Variants in RIC3 observed in about 807,000 individuals in gnomAD.
RIC3 encodes the protein RIC3 acetylcholine receptor chaperone, also known as protein RIC-3.
A neutral mutation model predicts 27.3 loss-of-function variants in RIC3; 28 were observed. The observed-to-expected ratio is 1.02, with a 90% confidence interval of 0.76 to 1.41. The LOEUF (loss-of-function observed/expected upper bound fraction) is 1.41. Among genes scored for constraint, RIC3 ranks in the 40% most tolerant of loss-of-function variants. The probability of loss-of-function intolerance (pLI) is 0.00; values close to 1 mark genes in which losing one functional copy is unlikely to be tolerated. For missense variants in RIC3, 501 were observed against 444.7 expected (o/e 1.13, Z -1.14); for synonymous variants, 184 against 160.4 (o/e 1.15, Z -1.11).
At chr11:8,136,727 GCAT>G (rs1210405267) in intron 4 of RIC3, among the ~76,000 whole-genome samples, 5 of 152,162 alleles carry the variant, frequency 3.3e-5, no homozygotes, top group Non-Finnish European at 7.4e-5. Context: ...CAAGTAGAAA[GCAT>G]CATGTTCAAT....
chr11:8,142,396 C>T (rs1331182768), intron 1 of RIC3, among the ~76,000 whole-genome samples: 4 of 151,694 alleles, frequency 2.6e-5, no homozygotes, highest in African/African-American at 7.3e-5. Flanking sequence ...ATACTACAAA[C>T]ACCTCTACGC....
chr11:8,131,224 C>A (rs1401484859), intron 4 of RIC3, among the ~76,000 whole-genome samples: 2 of 152,162 alleles, frequency 1.3e-5, no homozygotes, highest in Admixed American at 1.3e-4. Flanking sequence ...TAATCCCTGA[C>A]CTCACGGAGC....
At chr11:8,165,734 T>A (rs1951622792) in intron 1 of RIC3, among the ~76,000 whole-genome samples, 1 of 149,282 alleles carries the variant, frequency 6.7e-6, no homozygotes. Context: ...AAGACTTCCC[T>A]CCTCTATGTT....
At chr11:8,120,979 GA>G (rs928896329) in intron 5 of RIC3, among the ~76,000 whole-genome samples, 1 of 151,996 alleles carries the variant, frequency 6.6e-6, no homozygotes, top group African/African-American at 2.4e-5. Flanking sequence ...TACTATATGG[GA>G]AAAATATAAA....
chr11:8,125,819 A>T (rs966054137), intron 5 of RIC3, among the ~76,000 whole-genome samples: 2 of 152,178 alleles, frequency 1.3e-5, no homozygotes, highest in African/African-American at 4.8e-5. Flanking sequence ...CAGGCAGATC[A>T]CTTGAGGTCA....
At chr11:8,130,445 G>C (rs192582397) in intron 4 of RIC3, among the ~76,000 whole-genome samples, 2 of 152,290 alleles carry the variant, frequency 1.3e-5, no homozygotes, top group African/African-American at 2.4e-5. Flanking sequence ...ATGTTCAGCT[G>C]TTCCTTTGAT....
intron 5 of RIC3, among the ~76,000 whole-genome samples, chr11:8,117,159 C>G (rs1490506342): frequency 6.6e-6 from 1 of 152,210 alleles, no homozygotes; most frequent in Admixed American, 6.5e-5. Context: ...GTCTCCACCT[C>G]TTGGACTCAT....
intron 1 of RIC3, among the ~76,000 whole-genome samples, chr11:8,144,840 C>T (rs1949497118): frequency 1.3e-5 from 2 of 151,958 alleles, no homozygotes; most frequent in South Asian, 2.1e-4. Flanking sequence ...CCATGGAATA[C>T]TATGCAGCCA....
At chr11:8,155,098 G>A (rs976178460) in intron 1 of RIC3, among the ~76,000 whole-genome samples, 1 of 151,688 alleles carries the variant, frequency 6.6e-6, no homozygotes, top group African/African-American at 2.4e-5. Flanking sequence ...GCATGCACCT[G>A]TAGTCCCAGC....
In RIC3 at chr11:8,107,746, G is replaced by C. The variant is rs1041861261; in HGVS notation, c.*2952C>G. The stretch of plus-strand genomic sequence containing the variant: ...GACCAGGAAAGGGGATCTCCTGGCT[G>C]CACCACCCACCTGATTTACCAAGAG... On this transcript the variant is annotated 3_prime_UTR_variant, in exon 6 of 6. Transcript: ENST00000309737. 1.3e-5 allele frequency: 2 copies of C among 152,218 alleles called. No homozygotes were observed. Among genetic ancestry groups the C allele is most frequent in the Non-Finnish European group, 2.9e-5 (2 of 68,054 alleles). 9.4% of individuals were successfully genotyped at this position (152,218 alleles called of 1,614,324 possible).
chr11:8,127,893 A>G (rs778907881), intron 4 of RIC3, among the ~76,000 whole-genome samples: 2 of 152,236 alleles, frequency 1.3e-5, no homozygotes, highest in Admixed American at 1.3e-4. Flanking sequence ...GAAAATGAAA[A>G]GAGTATTTCT....
At chr11:8,125,247 C>G (rs796202583) in intron 5 of RIC3, among the ~76,000 whole-genome samples, 12 of 144,200 alleles carry the variant, frequency 8.3e-5, no homozygotes, top group African/African-American at 3.1e-4. Flanking sequence ...GAGCAAGACT[C>G]TGTCTCAAAA....
At chr11:8,149,049 C>T (rs983319860) in intron 1 of RIC3, among the ~76,000 whole-genome samples, 7 of 145,660 alleles carry the variant, frequency 4.8e-5, no homozygotes, top group South Asian at 2.2e-4. Flanking sequence ...AAAAATTAGC[C>T]GGGTATGGTG....
downstream of RIC3, chr11:8,101,839 AGAATAATTC>A: frequency 2.1e-6 from 1 of 478,094 alleles, no homozygotes; most frequent in Non-Finnish European, 3.2e-6. Flanking sequence ...TGAAGGGATG[AGAATAATTC>A]TTTCCATGCC....
At chr11:8,096,932 C>A in the RIC3 span, 1 of 1,100,130 alleles carries the variant, frequency 9.1e-7, no homozygotes, top group Non-Finnish European at 1.3e-6. Context: ...TTATGTCCCT[C>A]TACCTTGCCT....
At chr11:8,125,014 G>A (rs566431364) in intron 5 of RIC3, among the ~76,000 whole-genome samples, 4 of 152,254 alleles carry the variant, frequency 2.6e-5, no homozygotes, top group African/African-American at 7.2e-5. Flanking sequence ...AGCACTTTGG[G>A]ATGCCGAAGT....
chr11:8,101,724 T>C, downstream of RIC3: 1 of 1,471,152 alleles, frequency 6.8e-7, no homozygotes, highest in East Asian at 2.5e-5. Context: ...TTCCGCCAGA[T>C]GAAGCTTTGG....
chr11:8,132,513 C>T (rs191818898), intron 4 of RIC3, among the ~76,000 whole-genome samples: 70 of 152,252 alleles, frequency 4.6e-4, no homozygotes, highest in African/African-American at 1.5e-3. Context: ...AAACACTGTG[C>T]TTAATATCAG....
At chr11:8,093,099 A>G in the RIC3 span, among the ~76,000 whole-genome samples, 1 of 152,150 alleles carries the variant, frequency 6.6e-6, no homozygotes, top group Non-Finnish European at 1.5e-5. Flanking sequence ...TGTTAAACAG[A>G]TGGTCACGGG....
Sources: allele counts gnomAD v4.1 joint callset (sites outside exome capture counted in the v4.1 genomes callset), GRCh38; gene constraint gnomAD v4.1.1; transcripts MANE v1.5; gene names NCBI Gene and HGNC (gene_info 2026-07-23, HGNC 2026-07-21).